Variants in STIM2 observed in about 807,000 individuals in gnomAD.
STIM2 encodes the protein stromal interaction molecule 2.
In STIM2, 31 loss-of-function variants were observed where a neutral mutation model predicts 85.8. That is an observed-to-expected ratio of 0.36 (90% CI 0.27 to 0.49). The LOEUF is 0.49. Ranked by LOEUF, STIM2 falls within the 20% of genes least tolerant of loss-of-function variation. The probability of loss-of-function intolerance (pLI) is 0.98; values close to 1 mark genes in which losing one functional copy is unlikely to be tolerated. For synonymous variants in STIM2, 356 were observed against 331.1 expected (o/e 1.08, Z -0.82); for missense variants, 841 against 927.6 (o/e 0.91, Z 1.21).
At chr4:26,923,163 G>A (rs1314147335) in intron 2 of STIM2, among the ~76,000 whole-genome samples, 2 of 151,308 alleles carry the variant, frequency 1.3e-5, no homozygotes, top group Non-Finnish European at 1.5e-5. Context: ...GCAGCTGAGG[G>A]TCCTGTCTGT....
intron 1 of STIM2, among the ~76,000 whole-genome samples, chr4:26,895,356 G>C (rs1723659145): frequency 6.6e-6 from 1 of 151,920 alleles, no homozygotes; most frequent in Non-Finnish European, 1.5e-5. Context: ...TTTATTCTTA[G>C]GTACTCTTTG....
rs957494877 is a variant in STIM2 at position 26,897,833 on chromosome 4, A to G, written c.152-21671A>G. 4.6e-5 allele frequency among the ~76,000 whole-genome samples: 7 copies of G among 152,262 alleles called. No homozygotes were observed. In the East Asian group the frequency reaches 9.7e-4, roughly 21 times the overall value. On this transcript the variant is annotated intron_variant, in intron 1 of 11. Transcript: ENST00000467087. Reference sequence around the variant, plus strand: ...TAGGCTGGAGTGCAGAGGTGTGAACATGGCTCACTGTAGCCTTGACCTTCT... The same window carrying G: ...TAGGCTGGAGTGCAGAGGTGTGAACGTGGCTCACTGTAGCCTTGACCTTCT...
chr4:26,962,054 T>TGTAA (rs1726494004), intron 3 of STIM2, among the ~76,000 whole-genome samples: 1 of 152,180 alleles, frequency 6.6e-6, no homozygotes. Context: ...CCCAGCCTCC[T>TGTAA]TCTTTAGTTA....
At chr4:26,977,584 C>T (rs2109110601) in intron 3 of STIM2, among the ~76,000 whole-genome samples, 1 of 152,168 alleles carries the variant, frequency 6.6e-6, no homozygotes, top group Non-Finnish European at 1.5e-5. Flanking sequence ...AGTCTGATTT[C>T]ATGATATATT....
chr4:26,898,794 A>C (rs936561159), intron 1 of STIM2, among the ~76,000 whole-genome samples: 2 of 152,168 alleles, frequency 1.3e-5, no homozygotes, highest in Non-Finnish European at 2.9e-5. Context: ...ATTTTTAAAA[A>C]GGCATTTTAT....
At chr4:26,989,449 A>ATCC (rs1316929450) in intron 3 of STIM2, among the ~76,000 whole-genome samples, 2 of 152,176 alleles carry the variant, frequency 1.3e-5, no homozygotes, top group Non-Finnish European at 2.9e-5. Flanking sequence ...TGGGTATATA[A>ATCC]GGAGCATACC....
chr4:26,929,031 C>A (rs1471339992), intron 2 of STIM2, among the ~76,000 whole-genome samples: 3 of 152,128 alleles, frequency 2.0e-5, no homozygotes, highest in African/African-American at 7.2e-5. Context: ...GGCTATTGAG[C>A]ATTCGAAGTT....
intron 2 of STIM2, among the ~76,000 whole-genome samples, chr4:26,921,686 T>C (rs951892881): frequency 3.3e-5 from 5 of 152,214 alleles, no homozygotes; most frequent in Non-Finnish European, 7.3e-5. Flanking sequence ...ATTCTAGTTA[T>C]TTGCTTGTTC....
At position 27,022,845 on chromosome 4, in the gene STIM2, C is replaced by T; in HGVS notation, c.2090C>T (p.Ser697Leu). The stretch of plus-strand genomic sequence containing the variant: ...CCGGTGCCTAAACCTCGCCACACAT[C>T]ATGTTCCTCAGCTGGCAACGACAGT... The change falls in exon 12 of 12, where the codon TCA becomes TTA. Residue 697 changes from serine to leucine, a missense_variant. By Grantham distance (145) the Ser-to-Leu change is moderately radical (BLOSUM62 -2). This residue lies in a region of STIM2 where 293 missense variants were observed against 284.5 expected (regional missense o/e 1.03). Coordinates refer to ENST00000467087, the MANE Select transcript of STIM2 (RefSeq NM_020860.4). 1 of 1,614,256 alleles carries T rather than the reference C, an allele frequency of 6.2e-7. No individual in the cohort carries two copies. The highest frequency in any genetic ancestry group is 1.6e-4 in the Middle Eastern group (1 of 6,062).
At position 26,861,066 on chromosome 4, in the gene STIM2, C is replaced by CCGG. The variant is rs1577399655; in HGVS notation, c.-146_-144dup. 18 of 1,187,026 alleles carry CCGG rather than the reference C, an allele frequency of 1.5e-5. No individual in the cohort carries two copies. The highest frequency in any genetic ancestry group is 6.9e-5 in the South Asian group (2 of 28,814). 73.5% of individuals were successfully genotyped at this position (1,187,026 alleles called of 1,614,324 possible). A position where few individuals can be genotyped will look rare whatever the true frequency, so the allele number is the denominator to read the frequency against. ...GCGGCGGGGGCGGCCGGAGGAGTCG[C>CCGG]CGGCGGCGGTGGTGGCGCCTCGCGG... On this transcript the variant is annotated 5_prime_UTR_variant, in exon 1 of 12. Coordinates refer to ENST00000467087, the MANE Select transcript of STIM2 (RefSeq NM_020860.4).
chr4:26,974,164 C>G (rs990200891), intron 3 of STIM2, among the ~76,000 whole-genome samples: 17 of 152,270 alleles, frequency 1.1e-4, no homozygotes, highest in Admixed American at 3.3e-4. Flanking sequence ...ATACAGCACA[C>G]TGATGGGTCT....
chr4:26,908,005 A>T (rs1050259614), intron 1 of STIM2, among the ~76,000 whole-genome samples: 1 of 152,194 alleles, frequency 6.6e-6, no homozygotes, highest in African/African-American at 2.4e-5. Context: ...TGCTGAGACC[A>T]AATTGGTGGG....
chr4:27,018,062 G>A, intron 11 of STIM2, 78 bp downstream of exon 11: 4 of 1,560,966 alleles, frequency 2.6e-6, no homozygotes, highest in Non-Finnish European at 3.5e-6. Flanking sequence ...GGGAGGAGTG[G>A]TGCATGTTTC....
At chr4:26,957,462 C>A in intron 2 of STIM2, 150 bp from the exon 3 acceptor site, 1 of 447,100 alleles carries the variant, frequency 2.2e-6, no homozygotes, top group Non-Finnish European at 4.0e-6. Flanking sequence ...ATTTTACAAA[C>A]ATGTAAGAAT....
chr4:26,945,540 T>C (rs1377401972), intron 2 of STIM2, among the ~76,000 whole-genome samples: 1 of 152,194 alleles, frequency 6.6e-6, no homozygotes, highest in Non-Finnish European at 1.5e-5. Context: ...TCTTCCACAA[T>C]GGTTGAACTA....
intron 10 of STIM2, among the ~76,000 whole-genome samples, chr4:27,014,468 A>G (rs780527169): frequency 6.6e-6 from 1 of 151,642 alleles, no homozygotes; most frequent in Non-Finnish European, 1.5e-5. Context: ...CCAAATATGT[A>G]TGTATGTTTT....
At chr4:26,937,053 G>A (rs1373963452) in intron 2 of STIM2, among the ~76,000 whole-genome samples, 1 of 152,078 alleles carries the variant, frequency 6.6e-6, no homozygotes, top group Non-Finnish European at 1.5e-5. Context: ...CTCTCAAAGT[G>A]TTAGAATTAC....
At chr4:26,894,011 C>T (rs2109046872) in intron 1 of STIM2, among the ~76,000 whole-genome samples, 1 of 152,242 alleles carries the variant, frequency 6.6e-6, no homozygotes, top group East Asian at 1.9e-4. Context: ...TCCTCAGCTT[C>T]CCAAGTAGCT....
intron 11 of STIM2, chr4:27,021,312 G>T (rs1297345632): frequency 2.3e-6 from 1 of 435,550 alleles, no homozygotes; most frequent in African/African-American, 2.0e-5. Context: ...AAGTTTTGGG[G>T]TTGCAAACAA....
Sources: gnomAD v4.1 joint callset for allele counts (sites outside exome capture counted in the v4.1 genomes callset) on GRCh38, gnomAD v4.1.1 for gene constraint, gnomAD v4.1.1 regional missense constraint, MANE v1.5 for transcripts, NCBI Gene and HGNC (gene_info 2026-07-23, HGNC 2026-07-21) for gene names.